LMCD1: variants seen among roughly 807,000 people sequenced by gnomAD.
LMCD1 encodes the protein LIM and cysteine-rich domains protein 1.
In LMCD1, 32 loss-of-function variants were observed where a neutral mutation model predicts 42.7. That is an observed-to-expected ratio of 0.75 (90% CI 0.57 to 1.01). The LOEUF is 1.01. Among genes scored for constraint, LMCD1 ranks in the 50% least tolerant of loss-of-function variants. The probability of loss-of-function intolerance (pLI) is 0.00; values close to 1 mark genes in which losing one functional copy is unlikely to be tolerated. For synonymous variants in LMCD1, 178 were observed against 184.9 expected, an observed-to-expected ratio of 0.96 and a Z score of 0.30; for missense variants, 458 against 483.1, an observed-to-expected ratio of 0.95 and a Z score of 0.49.
At chr3:8,551,707 C>T (rs969129484) in intron 4 of LMCD1, among the ~76,000 whole-genome samples, 11 of 152,176 alleles carry the variant, frequency 7.2e-5, no homozygotes, top group Admixed American at 6.5e-5. Flanking sequence ...CAGTGTGTTC[C>T]CAGCAACCCC....
rs897238486 is a variant in LMCD1, at chr3:8,567,576, G to C, written c.1076G>C (p.Cys359Ser). 1 of 1,613,636 alleles carries C rather than the reference G, an allele frequency of 6.2e-7. No individual in the cohort carries two copies. The highest frequency in any genetic ancestry group is 8.5e-7 in the Non-Finnish European group (1 of 1,179,878). Residue 359 changes from cysteine (C) to serine (S), a missense_variant, in exon 6 of 6, where the codon TGC (cysteine) becomes TCC (serine). Transcript: ENST00000157600. ...VTKGQLLCPT[C>S]SKSKRS ...AAGGGTCAGCTTCTGTGCCCAACTT[G>C]CAGCAAGTCCAAACGCTCCTGAAGG...
At chr3:8,550,310 G>A (rs1694819050) in intron 4 of LMCD1, 1 of 999,268 alleles carries the variant, frequency 1.0e-6, no homozygotes, top group Non-Finnish European at 1.2e-6. Flanking sequence ...TGTTTCTATG[G>A]CAATTAACTT....
At chr3:8,536,488 C>A (rs1289549295) in intron 2 of LMCD1, among the ~76,000 whole-genome samples, 6 of 152,158 alleles carry the variant, frequency 3.9e-5, no homozygotes, top group African/African-American at 1.2e-4. Context: ...ATCTCCCCAG[C>A]CAGAGGGGTT....
intron 5 of LMCD1, 56 bp from the exon 6 acceptor site, chr3:8,567,384 C>A: frequency 6.4e-7 from 1 of 1,556,080 alleles, no homozygotes; most frequent in Non-Finnish European, 8.8e-7. Flanking sequence ...CTAGATATAC[C>A]GTCTCTACCT....
chr3:8,517,566 C>T (rs970287031), intron 1 of LMCD1, among the ~76,000 whole-genome samples: 1 of 152,186 alleles, frequency 6.6e-6, no homozygotes, highest in African/African-American at 2.4e-5. Flanking sequence ...CAGGCATGCA[C>T]TGACAACATT....
chr3:8,509,027 C>T (rs1693940979), intron 1 of LMCD1, among the ~76,000 whole-genome samples: 1 of 152,236 alleles, frequency 6.6e-6, no homozygotes, highest in African/African-American at 2.4e-5. Flanking sequence ...TACTGATCCT[C>T]TCTGGACCTC....
At chr3:8,519,444 T>C (rs370130616) in intron 1 of LMCD1, among the ~76,000 whole-genome samples, 1 of 152,368 alleles carries the variant, frequency 6.6e-6, no homozygotes, top group South Asian at 2.1e-4. Context: ...TCTGTAGTTC[T>C]GTTTTACATC....
In LMCD1 at chr3:8,537,743, T is replaced by TGTTTG. The variant is rs537422080; in HGVS notation, c.387+303_387+304insGTTTG. Among the ~76,000 whole-genome samples, 44 of 152,320 alleles carry TGTTTG rather than the reference T, an allele frequency of 2.9e-4. 1 individual carries two copies. In the South Asian group the frequency reaches 6.0e-3, roughly 21 times the overall value. ...GGGCTCCTCACTTCTGAACAGGAGATAGTTTATCACTCAAAATTCTGAGTG... is the reference window on the plus strand; with the variant it reads ...GGGCTCCTCACTTCTGAACAGGAGATGTTTGAGTTTATCACTCAAAATTCTGAGTG... On this transcript the variant is annotated intron_variant, in intron 3 of 5. Coordinates refer to ENST00000157600, the MANE Select transcript of LMCD1 (RefSeq NM_014583.4).
chr3:8,522,469 G>A (rs944249326), intron 1 of LMCD1, among the ~76,000 whole-genome samples: 1 of 152,164 alleles, frequency 6.6e-6, no homozygotes, highest in African/African-American at 2.4e-5. Context: ...TGAACACGGT[G>A]ATTGGAACAG....
In LMCD1 at chr3:8,567,609, A is replaced by T; in HGVS notation, c.*11A>T. 6.2e-7 allele frequency: 1 copy of T among 1,609,302 alleles called. No individual in the cohort carries two copies. Among genetic ancestry groups the T allele is most frequent in the Non-Finnish European group, 8.5e-7 (1 of 1,177,086 alleles). Reference sequence around the variant, plus strand: ...TCCAAACGCTCCTGAAGGGCTGCCCACCCACAGCCAGAATCCACAGGATCC... The same window carrying T: ...TCCAAACGCTCCTGAAGGGCTGCCCTCCCACAGCCAGAATCCACAGGATCC... On this transcript the variant is annotated 3_prime_UTR_variant, in exon 6 of 6. Transcript: ENST00000157600.
At chr3:8,514,926 T>C (rs1222370394) in intron 1 of LMCD1, 2 of 456,584 alleles carry the variant, frequency 4.4e-6, no homozygotes, top group Non-Finnish European at 4.4e-6. Flanking sequence ...TTTATCTAGA[T>C]GGTGATCACA....
chr3:8,563,630 G>A (rs1695078524), intron 4 of LMCD1, among the ~76,000 whole-genome samples: 1 of 152,190 alleles, frequency 6.6e-6, no homozygotes, highest in African/African-American at 2.4e-5. Context: ...TCATGCATGG[G>A]TTCCAAATAA....
At chr3:8,528,257 T>C (rs963092282) in intron 1 of LMCD1, among the ~76,000 whole-genome samples, 6 of 152,142 alleles carry the variant, frequency 3.9e-5, no homozygotes, top group Non-Finnish European at 8.8e-5. Context: ...GGCGTGGTCA[T>C]AGCTCACTGC....
At chr3:8,544,120 C>G in intron 3 of LMCD1, among the ~76,000 whole-genome samples, 1 of 152,034 alleles carries the variant, frequency 6.6e-6, no homozygotes, top group East Asian at 1.9e-4. Context: ...ACTGTAACCT[C>G]GGGTTAGTGA....
rs934506117 is a variant in LMCD1 at position 8,550,066 on chromosome 3, G to A, written c.723+1163G>A. 3 of 1,471,120 alleles carry A rather than the reference G, an allele frequency of 2.0e-6. No individual in the cohort carries two copies. The African/African-American group carries it at 4.2e-5, about 21-fold the overall frequency. The allele number at this position is 1,471,120 out of a possible 1,614,324, so 91.1% of individuals were successfully genotyped here. ...TCAACCCATAGGAAGTGGCAGTGTGGAAGAAGTGCTGCTGAGGAGTGAGTC... is the reference window on the plus strand; with the variant it reads ...TCAACCCATAGGAAGTGGCAGTGTGAAAGAAGTGCTGCTGAGGAGTGAGTC... On this transcript the variant is annotated intron_variant, in intron 4 of 5. Coordinates refer to ENST00000157600, the MANE Select transcript of LMCD1 (RefSeq NM_014583.4).
At chr3:8,520,506 G>T (rs890325952) in intron 1 of LMCD1, among the ~76,000 whole-genome samples, 1 of 152,180 alleles carries the variant, frequency 6.6e-6, no homozygotes, top group African/African-American at 2.4e-5. Flanking sequence ...TGGGAGGGGA[G>T]TAAGGGGTCC....
chr3:8,535,064 G>A (rs1694484954), intron 2 of LMCD1, among the ~76,000 whole-genome samples: 1 of 152,302 alleles, frequency 6.6e-6, no homozygotes, highest in East Asian at 1.9e-4. Flanking sequence ...GTATTGGGGA[G>A]GTCAGAAGGT....
Position 8,571,584 on chromosome 3 carries a change from G to A in LMCD1, c.*3986G>A, listed in dbSNP as rs532602893. ...TTGGGGATGGAGACAAAGGGAGGAT[G>A]GAGAGAAACGACTGGACTGAGAGAA... On this transcript the variant is annotated 3_prime_UTR_variant, in exon 6 of 6. Transcript: ENST00000157600. 6.6e-6 allele frequency: 1 copy of A among 152,344 alleles called. No homozygotes were observed. Among genetic ancestry groups the A allele is most frequent in the South Asian group, 2.1e-4 (1 of 4,820 alleles). 9.4% of individuals were successfully genotyped at this position (152,344 alleles called of 1,614,324 possible).
Position 8,565,655 on chromosome 3 carries a change from A to T in LMCD1, c.939+8A>T. On this transcript the variant is annotated splice_region_variant and intron_variant, in intron 5 of 5. Coordinates refer to ENST00000157600, the MANE Select transcript of LMCD1 (RefSeq NM_014583.4). Reference sequence around the variant, plus strand: ...TGCTCCGGCTGCGATGAGGTGGGAGATAGCCGCGAGATGGGTTAGGGGGCT... The same window carrying T: ...TGCTCCGGCTGCGATGAGGTGGGAGTTAGCCGCGAGATGGGTTAGGGGGCT... The T allele has an allele frequency of 6.3e-7, 1 of 1,581,882 alleles. No individual in the cohort carries two copies. The highest frequency in any genetic ancestry group is 2.3e-5 in the East Asian group (1 of 43,202).
Sources: allele counts gnomAD v4.1 joint callset (sites outside exome capture counted in the v4.1 genomes callset), GRCh38; gene constraint gnomAD v4.1.1; transcripts MANE v1.5; gene names NCBI Gene and HGNC (gene_info 2026-07-23, HGNC 2026-07-21).